Variants in KCNC2 observed in about 807,000 individuals in gnomAD.
The protein encoded by KCNC2 is potassium voltage-gated channel subfamily C member 2.
Under a neutral mutation model 44.5 loss-of-function variants are expected in KCNC2, and 21 were observed. The observed-to-expected ratio is 0.47, with a 90% CI of 0.33 to 0.68. The LOEUF (loss-of-function observed/expected upper bound fraction) is 0.68, where lower values mean the gene tolerates loss of function less well. Ranked by LOEUF, KCNC2 falls within the 30% of genes least tolerant of loss-of-function variation. The probability of loss-of-function intolerance (pLI) is 0.01; values close to 1 mark genes in which losing one functional copy is unlikely to be tolerated. For synonymous variants in KCNC2, 391 were observed against 339.1 expected, an observed-to-expected ratio of 1.15 and a Z score of -1.68; for missense variants, 589 against 826.2, an observed-to-expected ratio of 0.71 and a Z score of 3.52.
At chr12:75,166,628 C>A (rs1165777316) in intron 2 of KCNC2, among the ~76,000 whole-genome samples, 2 of 151,124 alleles carry the variant, frequency 1.3e-5, no homozygotes, top group African/African-American at 2.4e-5. Context: ...CGATCACAAG[C>A]AATTAACATA....
In KCNC2 at chr12:75,041,728, G is replaced by T; in HGVS notation, c.*1377C>A. ...CTGACACTGCAGCAGGCAACCAAGT[G>T]CAATGGTGAAATTGCTGCTTAAACC... is the stretch of plus-strand genomic sequence containing the variant. On this transcript the variant is annotated 3_prime_UTR_variant, in exon 5 of 5. Coordinates refer to ENST00000549446, the MANE Select transcript of KCNC2 (RefSeq NM_139137.4). 1.0e-6 allele frequency: 1 copy of T among 992,898 alleles called. No homozygotes were observed. The highest frequency in any genetic ancestry group is 1.2e-6 in the Non-Finnish European group (1 of 834,178). The allele number at this position is 992,898 out of a possible 1,614,324, so 61.5% of individuals were successfully genotyped here.
intron 2 of KCNC2, among the ~76,000 whole-genome samples, chr12:75,185,735 G>A (rs867423425): frequency 1.1e-3 from 163 of 152,200 alleles, no homozygotes; most frequent in African/African-American, 3.3e-3. Context: ...TTTCTTGTAT[G>A]TGTTAATTTA....
At chr12:75,108,334 A>G (rs1249716318) in intron 2 of KCNC2, among the ~76,000 whole-genome samples, 2 of 152,178 alleles carry the variant, frequency 1.3e-5, no homozygotes, top group Admixed American at 1.3e-4. Flanking sequence ...GATATTTCTA[A>G]TTTAATGATA....
chr12:75,112,044 T>C (rs1887297412), intron 2 of KCNC2, among the ~76,000 whole-genome samples: 1 of 151,984 alleles, frequency 6.6e-6, no homozygotes, highest in Non-Finnish European at 1.5e-5. Flanking sequence ...ATTTTGTATC[T>C]GTAAATAATT....
intron 2 of KCNC2, among the ~76,000 whole-genome samples, chr12:75,088,424 T>C (rs1260687323): frequency 6.6e-6 from 1 of 152,072 alleles, no homozygotes; most frequent in Non-Finnish European, 1.5e-5. Context: ...GTGAAAGTTA[T>C]TTTAACCTAC....
intron 2 of KCNC2, among the ~76,000 whole-genome samples, chr12:75,134,606 C>T (rs1001976223): frequency 3.3e-5 from 5 of 151,548 alleles, no homozygotes; most frequent in Non-Finnish European, 7.4e-5. Context: ...AGTTATTATT[C>T]TCCTTTCATA....
At chr12:75,129,282 A>G (rs1453960506) in intron 2 of KCNC2, among the ~76,000 whole-genome samples, 5 of 152,162 alleles carry the variant, frequency 3.3e-5, no homozygotes, top group African/African-American at 1.2e-4. Context: ...CAGGCTGCAG[A>G]AGAGTTGCCC....
In KCNC2 at chr12:75,107,438, T is replaced by G. The variant is rs1379965; in HGVS notation, c.688-56121A>C. Among the ~76,000 whole-genome samples, 150 of 152,020 alleles carry G rather than the reference T, an allele frequency of 9.9e-4. 1 individual carries two copies. Among genetic ancestry groups the G allele is most frequent in the Non-Finnish European group, 1.8e-3 (120 of 68,010 alleles). On this transcript the variant is annotated intron_variant, in intron 2 of 4. Coordinates refer to ENST00000549446, the MANE Select transcript of KCNC2 (RefSeq NM_139137.4). Reference sequence around the variant, plus strand: ...AACATTAAAAACAATAAAAGTAAAATATTTTTCAGCGTCTATGTGTTATCT... The same window carrying G: ...AACATTAAAAACAATAAAAGTAAAAGATTTTTCAGCGTCTATGTGTTATCT...
chr12:75,058,182 GT>G (rs1201438819), intron 2 of KCNC2, among the ~76,000 whole-genome samples: 1 of 151,594 alleles, frequency 6.6e-6, no homozygotes, highest in African/African-American at 2.4e-5. Context: ...TTATAAAAAT[GT>G]TTTTTATAAT....
rs1388746686 is a variant in KCNC2 at position 75,059,470 on chromosome 12, C to T, written c.688-8153G>A. On this transcript the variant is annotated intron_variant, in intron 2 of 4. Transcript: ENST00000549446. ...ATGCAGAAGCAGGTAGGAGAAATCA[C>T]CCATTGTCTATTAAGCAAGATATAA... is the stretch of plus-strand genomic sequence containing the variant. 2.0e-5 allele frequency among the ~76,000 whole-genome samples: 3 copies of T among 152,192 alleles called. No individual in the cohort carries two copies. In the East Asian group the frequency reaches 5.8e-4, roughly 29 times the overall value.
chr12:75,190,354 C>G (rs1430895041), intron 2 of KCNC2, among the ~76,000 whole-genome samples: 1 of 152,100 alleles, frequency 6.6e-6, no homozygotes, highest in African/African-American at 2.4e-5. Context: ...TTAAACACCC[C>G]TTATCTCCTT....
chr12:75,092,125 G>T (rs1050414524), intron 2 of KCNC2, among the ~76,000 whole-genome samples: 2 of 151,572 alleles, frequency 1.3e-5, no homozygotes, highest in African/African-American at 4.8e-5. Flanking sequence ...TTTTGGTTGT[G>T]AAACCTCATC....
chr12:75,105,458 T>C (rs1259577168), intron 2 of KCNC2, among the ~76,000 whole-genome samples: 3 of 152,142 alleles, frequency 2.0e-5, no homozygotes, highest in African/African-American at 7.2e-5. Context: ...GCCATTCTTG[T>C]ATTTTCAGGT....
intron 2 of KCNC2, among the ~76,000 whole-genome samples, chr12:75,109,233 T>C (rs1228079183): frequency 1.3e-5 from 2 of 152,138 alleles, no homozygotes; most frequent in Non-Finnish European, 1.5e-5. Flanking sequence ...ACAGAAAAAG[T>C]TGAAGATTCC....
At chr12:75,171,538 C>T (rs1891818630) in intron 2 of KCNC2, among the ~76,000 whole-genome samples, 1 of 151,792 alleles carries the variant, frequency 6.6e-6, no homozygotes, top group Admixed American at 6.6e-5. Flanking sequence ...TGAAATAAGT[C>T]AGGCAAAGCA....
intron 2 of KCNC2, among the ~76,000 whole-genome samples, chr12:75,070,631 AAT>A (rs1003161991): frequency 5.9e-5 from 9 of 151,394 alleles, no homozygotes; most frequent in Non-Finnish European, 1.2e-4. Flanking sequence ...ACTTTAAAAA[AAT>A]ATATATATAC....
chr12:75,172,441 T>C (rs1040735529), intron 2 of KCNC2, among the ~76,000 whole-genome samples: 2 of 151,446 alleles, frequency 1.3e-5, no homozygotes, highest in Non-Finnish European at 1.5e-5. Flanking sequence ...CATTTACCTA[T>C]GTAAGAAATT....
At chr12:75,141,558 C>T (rs577700089) in intron 2 of KCNC2, among the ~76,000 whole-genome samples, 2 of 152,220 alleles carry the variant, frequency 1.3e-5, no homozygotes, top group East Asian at 1.9e-4. Flanking sequence ...TCTTCTTCAC[C>T]TTTATTCAGA....
chr12:75,127,196 A>G (rs948338647), intron 2 of KCNC2, among the ~76,000 whole-genome samples: 3 of 152,176 alleles, frequency 2.0e-5, no homozygotes, highest in Non-Finnish European at 4.4e-5. Context: ...TAACAAAGCG[A>G]GAATTAGTAG....
Sources: gnomAD v4.1 joint callset for allele counts (sites outside exome capture counted in the v4.1 genomes callset) on GRCh38, gnomAD v4.1.1 for gene constraint, MANE v1.5 for transcripts, NCBI Gene and HGNC (gene_info 2026-07-23, HGNC 2026-07-21) for gene names.